The following LINGO2 variants were observed in gnomAD, a reference collection of about 807,000 sequenced individuals.
LINGO2 encodes leucine-rich repeat and immunoglobulin-like domain-containing nogo receptor-interacting protein 2.
Under a neutral mutation model 30.6 loss-of-function variants are expected in LINGO2, and 14 were observed. That is an observed-to-expected ratio of 0.46 (90% CI 0.30 to 0.72). The LOEUF is 0.72. Among genes scored for constraint, LINGO2 ranks in the 30% least tolerant of loss-of-function variants. LINGO2 has a pLI of 0.07. For synonymous variants in LINGO2, 317 were observed against 288.5 expected (o/e 1.10, Z -1.00); for missense variants, 729 against 751.7 (o/e 0.97, Z 0.35).
chr9:28,527,519 G>A (rs1821081109), intron 1 of LINGO2, among the ~76,000 whole-genome samples: 1 of 151,966 alleles, frequency 6.6e-6, no homozygotes, highest in South Asian at 2.1e-4. Flanking sequence ...TCTTCACCAA[G>A]GTCCATCTTC....
the LINGO2 span, among the ~76,000 whole-genome samples, chr9:29,137,682 CT>C: frequency 2.0e-5 from 3 of 152,104 alleles, no homozygotes; most frequent in African/African-American, 7.2e-5. Context: ...GCCTGAGGAT[CT>C]TTTCGGAGTG....
chr9:28,463,240 T>C (rs1825156129), intron 2 of LINGO2, among the ~76,000 whole-genome samples: 1 of 152,042 alleles, frequency 6.6e-6, no homozygotes, highest in East Asian at 1.9e-4. Flanking sequence ...TGACATTGTA[T>C]AGGAGAGCTT....
Position 28,666,184 on chromosome 9 carries a change from GC to G in LINGO2, c.-365+4015del, listed in dbSNP as rs1349502076. 3.3e-5 allele frequency among the ~76,000 whole-genome samples: 5 copies of G among 152,034 alleles called. No homozygotes were observed. The East Asian group carries it at 9.7e-4, about 29-fold the overall frequency. ...TGGGATTACAGGTGTGAGTCACTGC[GC>G]CCGGCTTAGTGTTACTTTTTAAGAA... On this transcript the variant is annotated intron_variant, in intron 1 of 5. Coordinates refer to ENST00000379992, the Ensembl canonical transcript of LINGO2.
intron 5 of LINGO2, among the ~76,000 whole-genome samples, chr9:27,989,089 A>G (rs1821265174): frequency 6.6e-6 from 1 of 151,864 alleles, no homozygotes; most frequent in South Asian, 2.1e-4. Flanking sequence ...AGCTTTGTTG[A>G]TAGTTTTGAA....
At chr9:29,125,987 T>C in the LINGO2 span, among the ~76,000 whole-genome samples, 1 of 152,300 alleles carries the variant, frequency 6.6e-6, no homozygotes, top group South Asian at 2.1e-4. Context: ...CAATTATTTC[T>C]TATTTAAATG....
At chr9:28,336,898 A>T (rs1197819759) in intron 3 of LINGO2, among the ~76,000 whole-genome samples, 1 of 151,994 alleles carries the variant, frequency 6.6e-6, no homozygotes, top group African/African-American at 2.4e-5. Flanking sequence ...AAAATCACAA[A>T]GACAATTTTG....
the LINGO2 span, among the ~76,000 whole-genome samples, chr9:28,703,411 G>A: frequency 6.6e-6 from 1 of 151,328 alleles, no homozygotes; most frequent in Admixed American, 6.6e-5. Context: ...ATTCTCCATT[G>A]GCATTTTCCA....
intron 5 of LINGO2, among the ~76,000 whole-genome samples, chr9:27,998,208 G>C (rs1166449532): frequency 6.6e-6 from 1 of 152,162 alleles, no homozygotes; most frequent in African/African-American, 2.4e-5. Flanking sequence ...TATGGAGAAA[G>C]TGGTGCTGTG....
chr9:28,497,494 T>C (rs997153923), intron 1 of LINGO2, among the ~76,000 whole-genome samples: 3 of 152,206 alleles, frequency 2.0e-5, no homozygotes, highest in East Asian at 1.9e-4. Flanking sequence ...TCTTGTGCCA[T>C]GGTTTTCAGC....
the LINGO2 span, among the ~76,000 whole-genome samples, chr9:29,062,123 C>T: frequency 2.0e-5 from 3 of 151,896 alleles, no homozygotes; most frequent in African/African-American, 7.3e-5. Context: ...AATAAGATAC[C>T]ACTTCACATC....
chr9:28,043,595 C>G (rs1036796862), intron 4 of LINGO2, among the ~76,000 whole-genome samples: 2 of 152,150 alleles, frequency 1.3e-5, no homozygotes, highest in African/African-American at 2.4e-5. Flanking sequence ...GAGAACTTTT[C>G]TTTATGGAAA....
chr9:28,831,020 G>C, the LINGO2 span, among the ~76,000 whole-genome samples: 2 of 152,254 alleles, frequency 1.3e-5, no homozygotes, highest in African/African-American at 4.8e-5. Context: ...AGTAAAGGAA[G>C]TGGAGTTCCT....
intron 1 of LINGO2, among the ~76,000 whole-genome samples, chr9:28,624,945 G>A (rs752256592): frequency 4.6e-5 from 7 of 151,736 alleles, no homozygotes; most frequent in Non-Finnish European, 1.0e-4. Flanking sequence ...CTGGGGTTAA[G>A]GGAGAGGTTG....
chr9:28,666,916 A>AT (rs1402929594), intron 1 of LINGO2, among the ~76,000 whole-genome samples: 1 of 152,134 alleles, frequency 6.6e-6, no homozygotes, highest in Non-Finnish European at 1.5e-5. Context: ...CAATTATAGC[A>AT]TTTTTTAAAA....
chr9:28,800,102 C>T, the LINGO2 span, among the ~76,000 whole-genome samples: 8 of 152,006 alleles, frequency 5.3e-5, no homozygotes, highest in African/African-American at 1.9e-4. Flanking sequence ...ATCAAAATGA[C>T]ATTTTACATG....
chr9:28,108,057 G>A (rs1483532460), intron 4 of LINGO2, among the ~76,000 whole-genome samples: 1 of 152,102 alleles, frequency 6.6e-6, no homozygotes, highest in Non-Finnish European at 1.5e-5. Flanking sequence ...ACAAATGGAA[G>A]CAAAAAGCTA....
At chr9:28,413,907 A>C (rs888928736) in intron 2 of LINGO2, among the ~76,000 whole-genome samples, 4 of 152,048 alleles carry the variant, frequency 2.6e-5, no homozygotes, top group African/African-American at 9.7e-5. Flanking sequence ...GGCTGTAAAA[A>C]TATAAGCAGT....
chr9:29,077,013 T>C, the LINGO2 span, among the ~76,000 whole-genome samples: 1 of 152,096 alleles, frequency 6.6e-6, no homozygotes, highest in African/African-American at 2.4e-5. Flanking sequence ...CTGATTCCTA[T>C]CAATGTCTGG....
chr9:28,699,868 C>T, the LINGO2 span, among the ~76,000 whole-genome samples: 3,357 of 151,930 alleles, frequency 0.022, 123 homozygotes, highest in African/African-American at 0.075. Flanking sequence ...GACTGGGAAA[C>T]GCTAGCCTGG....
Sources: gnomAD v4.1 joint callset for allele counts (sites outside exome capture counted in the v4.1 genomes callset) on GRCh38, gnomAD v4.1.1 for gene constraint, MANE v1.5 for transcripts, NCBI Gene and HGNC (gene_info 2026-07-23, HGNC 2026-07-21) for gene names.